Variants in DLGAP2 observed in about 807,000 individuals in gnomAD.
DLGAP2 encodes disks large-associated protein 2.
In DLGAP2, 26 loss-of-function variants were observed where a neutral mutation model predicts 100.3. That is an observed-to-expected ratio of 0.26 (90% CI 0.19 to 0.36). The LOEUF (loss-of-function observed/expected upper bound fraction) is 0.36. Ranked by LOEUF, DLGAP2 falls within the 10% of genes least tolerant of loss-of-function variation. The pLI, the probability that DLGAP2 is intolerant of heterozygous loss-of-function variation, is 1.00. For synonymous variants in DLGAP2, 886 were observed against 630.1 expected, an observed-to-expected ratio of 1.41 and a Z score of -6.08; for missense variants, 1,858 against 1,453.2, an observed-to-expected ratio of 1.28 and a Z score of -4.53.
chr8:987,056 G>T (rs923668708), intron 2 of DLGAP2, among the ~76,000 whole-genome samples: 1 of 152,178 alleles, frequency 6.6e-6, no homozygotes, highest in Non-Finnish European at 1.5e-5. Flanking sequence ...AATCAGGTTC[G>T]AATTTGATTT....
At chr8:783,263 G>A (rs1481712449) in intron 1 of DLGAP2, among the ~76,000 whole-genome samples, 3 of 152,194 alleles carry the variant, frequency 2.0e-5, no homozygotes, top group Non-Finnish European at 4.4e-5. Flanking sequence ...ACAGAGAATG[G>A]TTTGCCTGCA....
At chr8:1,208,539 T>G (rs963112594) in intron 2 of DLGAP2, among the ~76,000 whole-genome samples, 3 of 152,148 alleles carry the variant, frequency 2.0e-5, no homozygotes, top group Non-Finnish European at 4.4e-5. Flanking sequence ...CAGGGAAAAG[T>G]TGAAAGCATT....
chr8:950,232 T>A (rs901790571), intron 2 of DLGAP2, among the ~76,000 whole-genome samples: 6 of 152,188 alleles, frequency 3.9e-5, no homozygotes, highest in African/African-American at 1.4e-4. Flanking sequence ...AGCTTCTTGA[T>A]AACATGGTAC....
At chr8:1,062,656 C>G (rs1803121603) in intron 2 of DLGAP2, among the ~76,000 whole-genome samples, 1 of 152,188 alleles carries the variant, frequency 6.6e-6, no homozygotes, top group Non-Finnish European at 1.5e-5. Context: ...CCCTCCCTCC[C>G]TCCTGGCCAT....
intron 4 of DLGAP2, among the ~76,000 whole-genome samples, chr8:1,547,109 C>A (rs1003404657): frequency 6.6e-6 from 1 of 152,136 alleles, no homozygotes; most frequent in Non-Finnish European, 1.5e-5. Flanking sequence ...GCGACATCTA[C>A]AAATGACGGC....
intron 3 of DLGAP2, chr8:1,368,697 G>C (rs1585306280): frequency 6.6e-6 from 1 of 152,162 alleles, no homozygotes; most frequent in East Asian, 1.9e-4. Context: ...AAAGCATGTG[G>C]TATGCTACAG....
At chr8:1,509,759 T>C (rs1800093068) in intron 4 of DLGAP2, among the ~76,000 whole-genome samples, 6 of 152,202 alleles carry the variant, frequency 3.9e-5, no homozygotes, top group Admixed American at 3.9e-4. Context: ...TAATTAAATA[T>C]GGTAATATAA....
intron 1 of DLGAP2, among the ~76,000 whole-genome samples, chr8:826,664 G>A (rs1796689606): frequency 6.6e-6 from 1 of 151,982 alleles, no homozygotes; most frequent in Non-Finnish European, 1.5e-5. Flanking sequence ...CGAGGGTCCC[G>A]CGCCCCCTCT....
intron 7 of DLGAP2, among the ~76,000 whole-genome samples, chr8:1,628,250 G>A (rs1006790338): frequency 6.0e-5 from 8 of 133,478 alleles, no homozygotes; most frequent in East Asian, 2.2e-4. Context: ...GTGGAGCAGG[G>A]ATTAAGAGCC....
chr8:1,153,676 T>G lies in DLGAP2; in HGVS notation c.74-105175T>G, dbSNP rs946262829. On this transcript the variant is annotated intron_variant, in intron 2 of 14. Coordinates refer to ENST00000637795, the MANE Select transcript of DLGAP2 (RefSeq NM_001346810.2). ...GAATGTGAGTCTAATGAGAACTAAT[T>G]CATCAAAACTAGGCTTTTCCTGCAT... Among the ~76,000 whole-genome samples, 11 of 152,348 alleles carry G rather than the reference T, an allele frequency of 7.2e-5. No homozygotes were observed. The East Asian group carries it at 1.9e-3, about 27-fold the overall frequency.
At position 1,374,365 on chromosome 8, in the gene DLGAP2, G is replaced by T. The variant is rs926937544; in HGVS notation, c.106+115482G>T. Among the ~76,000 whole-genome samples the T allele has an allele frequency of 8.6e-5, 13 of 151,874 alleles. 1 individual carries two copies. The highest frequency in any genetic ancestry group is 1.3e-4 in the Admixed American group (2 of 15,252). On this transcript the variant is annotated intron_variant, in intron 3 of 14. Coordinates refer to ENST00000637795, the MANE Select transcript of DLGAP2 (RefSeq NM_001346810.2). ...CACCCATGTTCGGCACGGGTCCAGTGACCTCAGCAGGGAGGCAGCTCCCTG... is the reference window on the plus strand; with the variant it reads ...CACCCATGTTCGGCACGGGTCCAGTTACCTCAGCAGGGAGGCAGCTCCCTG...
chr8:1,004,902 G>T (rs965553327), intron 2 of DLGAP2, among the ~76,000 whole-genome samples: 1 of 152,156 alleles, frequency 6.6e-6, no homozygotes, highest in Non-Finnish European at 1.5e-5. Context: ...CAGAACTCAG[G>T]CAGGAGGGGG....
At chr8:1,116,553 A>G (rs552153940) in intron 2 of DLGAP2, among the ~76,000 whole-genome samples, 23 of 152,280 alleles carry the variant, frequency 1.5e-4, no homozygotes, top group African/African-American at 5.5e-4. Context: ...CCCTGCACTT[A>G]GGGAGGCCAA....
intron 3 of DLGAP2, among the ~76,000 whole-genome samples, chr8:1,398,235 C>T: frequency 1.1e-4 from 1 of 8,696 alleles, no homozygotes; most frequent in Non-Finnish European, 2.9e-4. Context: ...CTGAGCGCTC[C>T]CTCCTCATCC....
intron 2 of DLGAP2, among the ~76,000 whole-genome samples, chr8:925,727 TAAAAGGAATTGGCTCATGTGG>T (rs1798800289): frequency 6.6e-6 from 1 of 152,100 alleles, no homozygotes; most frequent in African/African-American, 2.4e-5. Context: ...GGAGATTTGT[TAAAAGGAATTGGCTCATGTGG>T]TTATGAGGCT....
rs1477204834 is a variant in DLGAP2, at chr8:1,425,730, A to AC, written c.107-75636_107-75635insC. On this transcript the variant is annotated intron_variant, in intron 3 of 14. Coordinates refer to ENST00000637795, the MANE Select transcript of DLGAP2 (RefSeq NM_001346810.2). ...ACTGGCCCCTGTGGGCTCATGAACC[A>AC]AGATAAGGACGTCTGTGCACCATTA... Among the ~76,000 whole-genome samples the AC allele has an allele frequency of 2.0e-5, 3 of 152,184 alleles. No individual in the cohort carries two copies. In the East Asian group the frequency reaches 5.8e-4, roughly 29 times the overall value.
chr8:847,416 C>T (rs889561699), intron 1 of DLGAP2, among the ~76,000 whole-genome samples: 6 of 152,056 alleles, frequency 3.9e-5, no homozygotes, highest in African/African-American at 1.2e-4. Context: ...ATATATTTTA[C>T]ACTTTTTTTC....
At chr8:795,129 T>C (rs1795997261) in intron 1 of DLGAP2, among the ~76,000 whole-genome samples, 1 of 152,216 alleles carries the variant, frequency 6.6e-6, no homozygotes. Flanking sequence ...TGGGTTTTCG[T>C]TATTAACAGC....
chr8:1,026,746 T>TG (rs1801811556), intron 2 of DLGAP2, among the ~76,000 whole-genome samples: 2 of 152,248 alleles, frequency 1.3e-5, no homozygotes, highest in Admixed American at 1.3e-4. Context: ...TTCTTACTCA[T>TG]GCAAAACAGC....
Sources: gnomAD v4.1 joint callset for allele counts (sites outside exome capture counted in the v4.1 genomes callset) on GRCh38, gnomAD v4.1.1 for gene constraint, MANE v1.5 for transcripts, NCBI Gene and HGNC (gene_info 2026-07-23, HGNC 2026-07-21) for gene names.